The following PCDHGB1 variants were observed in gnomAD, a reference collection of about 807,000 sequenced individuals.
PCDHGB1 encodes protocadherin gamma subfamily B, 1.
PCDHGB1 carries 34 observed loss-of-function variants against 56.6 expected under a neutral mutation model. The observed-to-expected ratio is 0.60, with a 90% CI of 0.46 to 0.80. The LOEUF is 0.80. PCDHGB1 is among the 30% of genes least tolerant of loss of function. The pLI is 0.00. For missense variants in PCDHGB1, 1,278 were observed against 1,204.6 expected, an observed-to-expected ratio of 1.06 and a Z score of -0.90; for synonymous variants, 561 against 505.9, an observed-to-expected ratio of 1.11 and a Z score of -1.46.
chr5:141,365,527 T>A lies in PCDHGB1; in HGVS notation c.2409+12858T>A, dbSNP rs746233500. 2.5e-6 allele frequency: 4 copies of A among 1,613,866 alleles called. No homozygotes were observed. The Admixed American group carries it at 6.7e-5, about 27-fold the overall frequency. On this transcript the variant is annotated intron_variant, in intron 1 of 3. Coordinates refer to ENST00000523390, the MANE Select transcript of PCDHGB1 (RefSeq NM_018922.3). ...CTTTTAAATTGGAGAAGTCAGTTGA[T>A]AATTACTATCACCTATTAACAACTA...
intron 1 of PCDHGB1, chr5:141,398,772 G>T: frequency 6.2e-7 from 1 of 1,613,910 alleles, no homozygotes; most frequent in Non-Finnish European, 8.5e-7. Flanking sequence ...TGACTGCCTT[G>T]GACGGTGGAC....
At chr5:141,386,438 G>A (rs79313044) in intron 1 of PCDHGB1, among the ~76,000 whole-genome samples, 2,560 of 152,240 alleles carry the variant, frequency 0.017, 31 homozygotes, top group South Asian at 0.037. Context: ...CTGCATGGGA[G>A]GCTGAGGCAA....
intron 1 of PCDHGB1, chr5:141,427,998 C>G: frequency 6.2e-7 from 1 of 1,600,956 alleles, no homozygotes; most frequent in Non-Finnish European, 8.6e-7. Context: ...TGGCTCCGCA[C>G]TCTTCGATAT....
chr5:141,371,221 A>G, intron 1 of PCDHGB1: 1 of 1,614,064 alleles, frequency 6.2e-7, no homozygotes, highest in Non-Finnish European at 8.5e-7. Context: ...ATCAATGCCG[A>G]AATCATCTAT....
chr5:141,484,709 C>G (rs1223957454), intron 1 of PCDHGB1, among the ~76,000 whole-genome samples: 1 of 151,072 alleles, frequency 6.6e-6, no homozygotes, highest in Non-Finnish European at 1.5e-5. Context: ...TTTTCCCCGC[C>G]GAAAAGGGGC....
At chr5:141,437,778 G>C (rs750813139) in intron 1 of PCDHGB1, among the ~76,000 whole-genome samples, 1 of 146,836 alleles carries the variant, frequency 6.8e-6, no homozygotes, top group Non-Finnish European at 1.5e-5. Flanking sequence ...TCAATCTGTC[G>C]CCAAGCTGGA....
Position 141,385,102 on chromosome 5 carries a change from G to A in PCDHGB1, c.2409+32433G>A, listed in dbSNP as rs370391349. On this transcript the variant is annotated intron_variant, in intron 1 of 3. Transcript: ENST00000523390. ...GGCTTCAGAAGGTGGCTTGGCGAAC[G>A]TGCCCACCTCGCACTTTGTGGGCAT... 6 of 1,614,174 alleles carry A rather than the reference G, an allele frequency of 3.7e-6. No homozygotes were observed. The East Asian group carries it at 6.7e-5, about 18-fold the overall frequency.
At position 141,352,027 on chromosome 5, in the gene PCDHGB1, G is replaced by C. The variant is rs764316289; in HGVS notation, c.1767G>C (p.Ala589=). 39 of 1,609,132 alleles carry C rather than the reference G, an allele frequency of 2.4e-5. No homozygotes were observed. Among genetic ancestry groups the C allele is most frequent in the Middle Eastern group, 2.0e-4 (1 of 4,918 alleles). ...EPGYLVTKVV[A]VDADSGHNAW... The stretch of plus-strand genomic sequence containing the variant: ...GCTACCTGGTGACCAAGGTGGTGGC[G>C]GTGGACGCAGACTCAGGACACAACG... The change falls in exon 1 of 4, where the codon GCG becomes GCC. Residue 589 remains alanine (A), a synonymous_variant. Transcript: ENST00000523390.
intron 1 of PCDHGB1, chr5:141,412,044 A>T (rs1403784619): frequency 6.6e-6 from 1 of 152,194 alleles, no homozygotes; most frequent in East Asian, 1.9e-4. Context: ...AAAGAAGTGA[A>T]CTTCTATACC....
intron 1 of PCDHGB1, chr5:141,403,105 C>G (rs1226095779): frequency 6.2e-7 from 1 of 1,614,056 alleles, no homozygotes; most frequent in East Asian, 2.2e-5. Context: ...TCTCCAAGGA[C>G]CTGGCTCTGG....
At chr5:141,500,446 T>C (rs2099800320) in intron 2 of PCDHGB1, among the ~76,000 whole-genome samples, 1 of 152,002 alleles carries the variant, frequency 6.6e-6, no homozygotes, top group South Asian at 2.1e-4. Context: ...CCTGACCTCG[T>C]GATCCGCCCG....
At chr5:141,458,264 G>A (rs1489144612) in intron 1 of PCDHGB1, among the ~76,000 whole-genome samples, 3 of 152,092 alleles carry the variant, frequency 2.0e-5, no homozygotes, top group Non-Finnish European at 2.9e-5. Flanking sequence ...GATGAGTGGA[G>A]GAACAACAGG....
At chr5:141,410,787 T>C in intron 1 of PCDHGB1, 2 of 844,672 alleles carry the variant, frequency 2.4e-6, no homozygotes, top group South Asian at 4.4e-5. Flanking sequence ...TGTATTTGGT[T>C]CATAAGTTGC....
chr5:141,482,763 T>TGC (rs2099571981), intron 1 of PCDHGB1, among the ~76,000 whole-genome samples: 1 of 127,550 alleles, frequency 7.8e-6, no homozygotes, highest in African/African-American at 3.6e-5. Flanking sequence ...GGTATTTCAT[T>TGC]ATCACTGAAC....
intron 1 of PCDHGB1, among the ~76,000 whole-genome samples, chr5:141,467,954 C>T (rs1467826790): frequency 1.3e-5 from 2 of 152,070 alleles, no homozygotes; most frequent in Admixed American, 6.6e-5. Flanking sequence ...CCACCACACC[C>T]GGCTGCCAGA....
Position 141,491,075 on chromosome 5 carries a change from A to G in PCDHGB1, c.2410-3732A>G, listed in dbSNP as rs147291399. ...TGGCTCTCCTACTCACTGTTGCCAC[A>G]GTCCACAGCCCCAGGACTGTTCCTC... is the stretch of plus-strand genomic sequence containing the variant. On this transcript the variant is annotated intron_variant, in intron 1 of 3. Coordinates refer to ENST00000523390, the MANE Select transcript of PCDHGB1 (RefSeq NM_018922.3). This position sits in a 1 kb window ranked among gnomAD's most constrained non-coding sequence, Gnocchi z 6.9. 1.2e-6 allele frequency: 2 copies of G among 1,614,080 alleles called. No individual in the cohort carries two copies. Among genetic ancestry groups the G allele is most frequent in the Non-Finnish European group, 8.5e-7 (1 of 1,180,042 alleles).
At chr5:141,483,790 AGTT>A (rs963139644) in intron 1 of PCDHGB1, among the ~76,000 whole-genome samples, 14 of 152,290 alleles carry the variant, frequency 9.2e-5, no homozygotes, top group African/African-American at 3.4e-4. Flanking sequence ...TAAGAACTCC[AGTT>A]GTTGCTGCTT....
chr5:141,386,155 C>G (rs763846568), intron 1 of PCDHGB1, among the ~76,000 whole-genome samples: 1 of 152,160 alleles, frequency 6.6e-6, no homozygotes, highest in Non-Finnish European at 1.5e-5. Flanking sequence ...AACTGTCTCA[C>G]GTACTCAAAC....
chr5:141,490,092 C>T lies in PCDHGB1; in HGVS notation c.2410-4715C>T. On this transcript the variant is annotated intron_variant, in intron 1 of 3. Coordinates refer to ENST00000523390, the MANE Select transcript of PCDHGB1 (RefSeq NM_018922.3). This position sits in a 1 kb window ranked among gnomAD's most constrained non-coding sequence, Gnocchi z 5.4. ...AACTAGACTATTCTTTTGGAGACCA[C>T]ACATCTGAGGCAGTGCGGAACCTCT... 6.2e-7 allele frequency: 1 copy of T among 1,614,240 alleles called. No individual in the cohort carries two copies.
Sources: gnomAD v4.1 joint callset for allele counts (sites outside exome capture counted in the v4.1 genomes callset) on GRCh38, gnomAD v4.1.1 for gene constraint, Gnocchi (gnomAD v3.1) non-coding constraint, MANE v1.5 for transcripts, NCBI Gene and HGNC (gene_info 2026-07-23, HGNC 2026-07-21) for gene names.